Variants in DTWD2 observed in about 807,000 individuals in gnomAD.
The protein encoded by DTWD2 is tRNA-uridine aminocarboxypropyltransferase 2.
DTWD2 carries 39 observed loss-of-function variants against 31.8 expected under a neutral mutation model. That is an observed-to-expected ratio of 1.22 (90% confidence interval 0.95 to 1.60). The LOEUF is 1.60. DTWD2 is among the 40% of genes most tolerant of loss of function. DTWD2 has a pLI of 0.00. For missense variants in DTWD2, 515 were observed against 381.5 expected (o/e 1.35, Z -2.92); for synonymous variants, 180 against 142.8 (o/e 1.26, Z -1.86).
intron 4 of DTWD2, among the ~76,000 whole-genome samples, chr5:118,898,928 T>C (rs932971759): frequency 1.2e-4 from 19 of 152,228 alleles, no homozygotes; most frequent in African/African-American, 3.4e-4. Context: ...TATTTGCCAA[T>C]TCTGTATCTG....
chr5:118,844,288 T>C (rs1720534922), intron 5 of DTWD2, among the ~76,000 whole-genome samples: 1 of 152,196 alleles, frequency 6.6e-6, no homozygotes. Flanking sequence ...AGCAGGAGGT[T>C]TTGCCACATC....
At chr5:118,844,413 G>C (rs922915626) in intron 5 of DTWD2, among the ~76,000 whole-genome samples, 2 of 152,180 alleles carry the variant, frequency 1.3e-5, no homozygotes, top group Admixed American at 6.5e-5. Flanking sequence ...TACTGTAGTA[G>C]CTAATGAAAG....
intron 4 of DTWD2, among the ~76,000 whole-genome samples, chr5:118,900,384 A>C (rs1241761451): frequency 6.6e-6 from 1 of 152,238 alleles, no homozygotes; most frequent in Non-Finnish European, 1.5e-5. Context: ...AAACATCTCT[A>C]AATCAGTAGA....
At chr5:118,869,724 T>A (rs1396290889) in intron 4 of DTWD2, among the ~76,000 whole-genome samples, 1 of 152,204 alleles carries the variant, frequency 6.6e-6, no homozygotes, top group Non-Finnish European at 1.5e-5. Context: ...TAGCCTTTGT[T>A]ATGGTAACTT....
intron 4 of DTWD2, among the ~76,000 whole-genome samples, chr5:118,881,963 C>T (rs1359746212): frequency 6.6e-6 from 1 of 152,150 alleles, no homozygotes; most frequent in African/African-American, 2.4e-5. Flanking sequence ...AAGCCAATCT[C>T]GCCTTCATAA....
intron 4 of DTWD2, among the ~76,000 whole-genome samples, chr5:118,859,952 T>C (rs139077910): frequency 5.3e-5 from 8 of 151,926 alleles, no homozygotes; most frequent in East Asian, 1.9e-4. Flanking sequence ...TCCCTATCTC[T>C]ACAAAAAACA....
intron 4 of DTWD2, among the ~76,000 whole-genome samples, chr5:118,898,405 C>T (rs796975543): frequency 2.0e-5 from 3 of 151,828 alleles, no homozygotes; most frequent in African/African-American, 7.3e-5. Flanking sequence ...CGCCTGTAAT[C>T]CCAGCACTTT....
rs377520092 is a variant in DTWD2 at position 118,928,542 on chromosome 5, T to C, written c.592A>G (p.Lys198Glu). 45 of 1,505,002 alleles carry C rather than the reference T, an allele frequency of 3.0e-5. No homozygotes were observed. In the African/African-American group the frequency reaches 6.0e-4, roughly 20 times the overall value. The allele number at this position is 1,505,002 out of a possible 1,614,324, so 93.2% of individuals were successfully genotyped here. ...FYKNSLFRHPKQVQLKTSISS... is the reference protein window; with the variant it reads ...FYKNSLFRHPEQVQLKTSISS... ...TGTTAAAATTACTAGTTTACCTGTT[T>C]GGGATGTCGGAACAAGGAGTTCTTA... is the stretch of plus-strand genomic sequence containing the variant. Residue 198 changes from lysine (K) to glutamate (E), a missense_variant, in exon 4 of 6, where the codon AAA becomes GAA. Physicochemically the swap from Lys to Glu is moderately conservative, Grantham distance 56. Coordinates refer to ENST00000510708, the MANE Select transcript of DTWD2 (RefSeq NM_173666.4).
chr5:118,919,271 T>C (rs1753648747), intron 4 of DTWD2, among the ~76,000 whole-genome samples: 1 of 152,208 alleles, frequency 6.6e-6, no homozygotes, highest in Admixed American at 6.5e-5. Context: ...AGAGCTTACA[T>C]AGGAACTGCC....
intron 1 of DTWD2, among the ~76,000 whole-genome samples, chr5:118,961,093 TAGTG>T (rs1325122360): frequency 2.0e-5 from 3 of 152,170 alleles, no homozygotes; most frequent in South Asian, 2.1e-4. Flanking sequence ...AAAAAAGTTT[TAGTG>T]AGTGTTATAA....
intron 1 of DTWD2, among the ~76,000 whole-genome samples, chr5:118,959,189 C>T (rs1402140699): frequency 1.3e-5 from 2 of 151,950 alleles, no homozygotes; most frequent in Admixed American, 6.6e-5. Flanking sequence ...TTCTTTTTTA[C>T]CTAGAAAACC....
intron 4 of DTWD2, among the ~76,000 whole-genome samples, chr5:118,877,399 G>C (rs1234523828): frequency 6.6e-6 from 1 of 152,034 alleles, no homozygotes; most frequent in East Asian, 1.9e-4. Flanking sequence ...ATGAACCCAG[G>C]AGATGGAGCT....
intron 4 of DTWD2, among the ~76,000 whole-genome samples, chr5:118,863,268 G>C (rs960212685): frequency 6.6e-6 from 1 of 152,156 alleles, no homozygotes; most frequent in African/African-American, 2.4e-5. Flanking sequence ...AAGTTCCACA[G>C]ACTCCACAAG....
At chr5:118,914,280 G>A (rs560760626) in intron 4 of DTWD2, among the ~76,000 whole-genome samples, 5 of 152,240 alleles carry the variant, frequency 3.3e-5, no homozygotes, top group East Asian at 1.9e-4. Context: ...CTAGGAGTGC[G>A]TTCTTTCTCC....
chr5:118,849,422 T>C (rs918163948), intron 4 of DTWD2, among the ~76,000 whole-genome samples: 9 of 152,182 alleles, frequency 5.9e-5, no homozygotes, highest in Admixed American at 1.3e-4. Flanking sequence ...TTTTACACTG[T>C]TGGTGGGACT....
intron 4 of DTWD2, among the ~76,000 whole-genome samples, chr5:118,874,624 T>G (rs553194610): frequency 1.3e-5 from 2 of 152,144 alleles, no homozygotes; most frequent in Non-Finnish European, 2.9e-5. Context: ...GCTTGAAGAC[T>G]GGCTTTCTAA....
intron 2 of DTWD2, 35 bp downstream of exon 2, chr5:118,944,524 T>C (rs541913194): frequency 1.3e-6 from 2 of 1,590,546 alleles, no homozygotes; most frequent in Non-Finnish European, 1.7e-6. Flanking sequence ...TGGACTCATA[T>C]TCTATTTGAA....
intron 1 of DTWD2, among the ~76,000 whole-genome samples, chr5:118,982,682 TTTTC>T (rs1755330695): frequency 6.8e-6 from 1 of 146,788 alleles, no homozygotes; most frequent in Non-Finnish European, 1.5e-5. Context: ...AAATAGTTTG[TTTTC>T]TTTTTTTTTT....
At chr5:118,843,422 C>T (rs1169495209) in intron 5 of DTWD2, among the ~76,000 whole-genome samples, 2 of 144,066 alleles carry the variant, frequency 1.4e-5, no homozygotes, top group Admixed American at 1.4e-4. Flanking sequence ...CTTGGAAAGG[C>T]TCTGCACAAT....
Sources: gnomAD v4.1 joint callset for allele counts (sites outside exome capture counted in the v4.1 genomes callset) on GRCh38, gnomAD v4.1.1 for gene constraint, MANE v1.5 for transcripts, NCBI Gene and HGNC (gene_info 2026-07-23, HGNC 2026-07-21) for gene names.